Variants in FRS2 observed in about 807,000 individuals in gnomAD.
FRS2 encodes FGFR signalling adaptor.
FRS2 carries 8 observed loss-of-function variants against 43.9 expected under a neutral mutation model. That is an observed-to-expected ratio of 0.18 (90% confidence interval 0.11 to 0.33). The LOEUF (loss-of-function observed/expected upper bound fraction) is 0.33, where lower values mean the gene tolerates loss of function less well. FRS2 is among the 10% of genes least tolerant of loss of function. FRS2 has a pLI of 1.00. For missense variants in FRS2, 534 were observed against 627.6 expected (o/e 0.85, Z 1.59); for synonymous variants, 219 against 220.3 (o/e 0.99, Z 0.05).
rs1437858330 is a variant in FRS2, at chr12:69,576,871, G to A, written c.*1916G>A. The A allele has an allele frequency of 3.9e-5, 6 of 152,556 alleles. No homozygotes were observed. Among genetic ancestry groups the A allele is most frequent in the Non-Finnish European group, 8.8e-5 (6 of 68,012 alleles). The allele number at this position is 152,556 out of a possible 1,614,324, so 9.5% of individuals were successfully genotyped here. On this transcript the variant is annotated 3_prime_UTR_variant, in exon 9 of 9. Coordinates refer to ENST00000549921, the MANE Select transcript of FRS2 (RefSeq NM_001278356.2). Reference sequence around the variant, plus strand: ...CTCTTAAAAGAGAGCAGTGGTATAGGTGTGCAGTTTCCATGATGCAGGTTC... The same window carrying A: ...CTCTTAAAAGAGAGCAGTGGTATAGATGTGCAGTTTCCATGATGCAGGTTC...
chr12:69,578,077 T>G lies in FRS2; in HGVS notation c.*3122T>G, dbSNP rs1881309078. The G allele has an allele frequency of 6.6e-6, 1 of 152,638 alleles. No individual in the cohort carries two copies. Among genetic ancestry groups the G allele is most frequent in the African/African-American group, 2.4e-5 (1 of 41,448 alleles). 9.5% of individuals were successfully genotyped at this position (152,638 alleles called of 1,614,324 possible). On this transcript the variant is annotated 3_prime_UTR_variant, in exon 9 of 9. Transcript: ENST00000549921. ...GGACAGGGGCCTTATGTTTTCATAA[T>G]TTCCCAACAATGTGCCGCCATATTT...
intron 1 of FRS2, among the ~76,000 whole-genome samples, chr12:69,522,226 G>A (rs898088527): frequency 3.5e-5 from 5 of 143,544 alleles, no homozygotes; most frequent in African/African-American, 1.2e-4. Flanking sequence ...GTGTGTGTGT[G>A]TGTGTGTGTG....
At chr12:69,549,566 T>G (rs1878695437) in intron 3 of FRS2, among the ~76,000 whole-genome samples, 1 of 152,222 alleles carries the variant, frequency 6.6e-6, no homozygotes, top group Non-Finnish European at 1.5e-5. Context: ...TGTCAGTGAT[T>G]GGGAACTCAG....
At chr12:69,511,490 A>G (rs1234684930) in intron 1 of FRS2, among the ~76,000 whole-genome samples, 1 of 152,238 alleles carries the variant, frequency 6.6e-6, no homozygotes, top group Admixed American at 6.5e-5. Context: ...ACTGTTAATT[A>G]TAAAAGCAAT....
chr12:69,477,203 T>C (rs1440933911), intron 1 of FRS2, among the ~76,000 whole-genome samples: 1 of 152,162 alleles, frequency 6.6e-6, no homozygotes, highest in Non-Finnish European at 1.5e-5. Flanking sequence ...TGTAGGGTTT[T>C]ATATTTTAAA....
At position 69,574,513 on chromosome 12, in the gene FRS2, G is replaced by A. The variant is rs775308985; in HGVS notation, c.1085G>A (p.Arg362His). The A allele has an allele frequency of 3.0e-5, 48 of 1,613,880 alleles. No individual in the cohort carries two copies. The highest frequency in any genetic ancestry group is 8.0e-5 in the African/African-American group (6 of 74,892). ...TCTTTGCCTCCTGTTTGGGAAGCCCGCAAGCTAAGTAGGGATGAAGATGAC... is the reference window on the plus strand; with the variant it reads ...TCTTTGCCTCCTGTTTGGGAAGCCCACAAGCTAAGTAGGGATGAAGATGAC... ...LPSLPPVWEA[R>H]KLSRDEDDNL... Residue 362 changes from arginine to histidine, a missense_variant, in exon 9 of 9, where the codon CGC (arginine) becomes CAC (histidine). Coordinates refer to ENST00000549921, the MANE Select transcript of FRS2 (RefSeq NM_001278356.2).
At chr12:69,507,382 C>G (rs1487813515) in intron 1 of FRS2, among the ~76,000 whole-genome samples, 1 of 152,120 alleles carries the variant, frequency 6.6e-6, no homozygotes, top group Non-Finnish European at 1.5e-5. Flanking sequence ...AATAATAAGA[C>G]AAATATTATT....
At chr12:69,529,679 T>G (rs1876601577) in intron 1 of FRS2, among the ~76,000 whole-genome samples, 1 of 151,838 alleles carries the variant, frequency 6.6e-6, no homozygotes. Context: ...ATTTCATCAA[T>G]TTAAGTTAAA....
intron 1 of FRS2, among the ~76,000 whole-genome samples, chr12:69,527,865 T>C (rs1354617202): frequency 2.6e-5 from 4 of 152,204 alleles, no homozygotes; most frequent in Admixed American, 6.5e-5. Flanking sequence ...CAAAGCAGAT[T>C]TGAACATTAA....
chr12:69,554,291 C>T (rs1167811797), intron 3 of FRS2, among the ~76,000 whole-genome samples: 2 of 152,106 alleles, frequency 1.3e-5, no homozygotes, highest in African/African-American at 4.8e-5. Flanking sequence ...TTTCATTCTA[C>T]CACCAAATTA....
chr12:69,566,961 A>G (rs766356389), intron 4 of FRS2, among the ~76,000 whole-genome samples: 1 of 152,110 alleles, frequency 6.6e-6, no homozygotes. Flanking sequence ...GTGGTGTGAC[A>G]CTTCATGACT....
chr12:69,477,272 C>CTTTT (rs11300091), intron 1 of FRS2, among the ~76,000 whole-genome samples: 15 of 103,148 alleles, frequency 1.5e-4, no homozygotes, highest in South Asian at 6.7e-4. Context: ...TTTTAAAATA[C>CTTTT]TTTTTTTTTT....
intron 1 of FRS2, among the ~76,000 whole-genome samples, chr12:69,481,710 T>C (rs1384199981): frequency 6.6e-6 from 1 of 152,220 alleles, no homozygotes; most frequent in Non-Finnish European, 1.5e-5. Context: ...TTGTCTTTCA[T>C]GCAATTGAAG....
rs752048207 is a variant in FRS2, at chr12:69,574,406, A to G, written c.978A>G (p.Thr326=). The change falls in exon 9 of 9, where the codon ACA becomes ACG. Residue 326 remains threonine (T), a synonymous_variant. Coordinates refer to ENST00000549921, the MANE Select transcript of FRS2 (RefSeq NM_001278356.2). ...SASGVRRGRL[T]STSTSDTQNI... Reference sequence around the variant, plus strand: ...CAGGGGTCAGGAGAGGTCGTCTGACATCCACCAGTACCTCAGATACCCAGA... The same window carrying G: ...CAGGGGTCAGGAGAGGTCGTCTGACGTCCACCAGTACCTCAGATACCCAGA... 4.3e-6 allele frequency: 7 copies of G among 1,613,856 alleles called. No homozygotes were observed. The highest frequency in any genetic ancestry group is 8.5e-7 in the Non-Finnish European group (1 of 1,179,720).
At chr12:69,530,002 T>C (rs1876631645) in intron 1 of FRS2, among the ~76,000 whole-genome samples, 1 of 151,916 alleles carries the variant, frequency 6.6e-6, no homozygotes, top group African/African-American at 2.4e-5. Context: ...TGCAGTGAGC[T>C]GCAGTCTTGT....
At chr12:69,534,570 G>C (rs919914221) in intron 3 of FRS2, among the ~76,000 whole-genome samples, 2 of 152,162 alleles carry the variant, frequency 1.3e-5, no homozygotes, top group Admixed American at 1.3e-4. Context: ...AGGAGTACAG[G>C]GTTGCTAAGG....
intron 3 of FRS2, 110 bp downstream of exon 3, chr12:69,532,166 T>C (rs183170292): frequency 2.6e-5 from 4 of 152,390 alleles, no homozygotes; most frequent in Admixed American, 2.0e-4. Flanking sequence ...TTTTCTTTAT[T>C]ATGGGATTCT....
At chr12:69,573,114 T>C (rs986659953) in intron 8 of FRS2, among the ~76,000 whole-genome samples, 1 of 152,162 alleles carries the variant, frequency 6.6e-6, no homozygotes, top group African/African-American at 2.4e-5. Context: ...ATTACAGGCG[T>C]GAGCCACTGT....
chr12:69,520,369 ATT>A (rs1192905770), intron 1 of FRS2, among the ~76,000 whole-genome samples: 4 of 113,318 alleles, frequency 3.5e-5, no homozygotes, highest in Non-Finnish European at 7.1e-5. Context: ...CTTTTCCTCT[ATT>A]ATTAGTTTTT....
Sources: allele counts gnomAD v4.1 joint callset (sites outside exome capture counted in the v4.1 genomes callset), GRCh38; gene constraint gnomAD v4.1.1; transcripts MANE v1.5; gene names NCBI Gene and HGNC (gene_info 2026-07-23, HGNC 2026-07-21).